NAV1: variants seen among roughly 807,000 people sequenced by gnomAD.
The protein encoded by NAV1 is pore membrane and/or filament interacting like protein 3.
NAV1 carries 18 observed loss-of-function variants against 175.2 expected under a neutral mutation model. That is an observed-to-expected ratio of 0.10 (90% CI 0.07 to 0.15). The LOEUF (loss-of-function observed/expected upper bound fraction) is 0.15. NAV1 is among the 10% of genes least tolerant of loss of function. The probability of loss-of-function intolerance (pLI) is 1.00; values close to 1 mark genes in which losing one functional copy is unlikely to be tolerated. For synonymous variants in NAV1, 897 were observed against 978.7 expected, an observed-to-expected ratio of 0.92 and a Z score of 1.56; for missense variants, 1,731 against 2,436.6, an observed-to-expected ratio of 0.71 and a Z score of 6.10.
rs1671101043 is a variant in NAV1 at position 201,694,456 on chromosome 1, A to G, written c.758-18361A>G. 6.6e-6 allele frequency among the ~76,000 whole-genome samples: 1 copy of G among 152,042 alleles called. No homozygotes were observed. Among genetic ancestry groups the G allele is most frequent in the South Asian group, 2.1e-4 (1 of 4,822 alleles). On this transcript the variant is annotated intron_variant, in intron 1 of 29. Transcript: ENST00000367296. This position sits in a 1 kb window ranked among gnomAD's most constrained non-coding sequence, Gnocchi z 4.2. The stretch of plus-strand genomic sequence containing the variant: ...AAGATAGATGACCCTGGGGAGGGTG[A>G]GGGCCGGGGTCACCAGCTGCTGGGG...
chr1:201,612,849 CTG>C (rs150520987), intron 2 of NAV1, among the ~76,000 whole-genome samples: 8 of 150,918 alleles, frequency 5.3e-5, no homozygotes, highest in Non-Finnish European at 8.9e-5. Flanking sequence ...GTGTGTATGT[CTG>C]TGTGTGTGTG....
exon 7 of NAV1, chr1:201,783,794 G>A (rs1205963434): frequency 6.2e-7 from 1 of 1,613,954 alleles, no homozygotes; most frequent in Non-Finnish European, 8.5e-7. Context: ...TGCTCCCACA[G>A]AAGAAGAGAC....
upstream of NAV1, among the ~76,000 whole-genome samples, chr1:201,646,692 G>T (rs368460698): frequency 3.3e-5 from 5 of 152,262 alleles, no homozygotes; most frequent in East Asian, 1.9e-4. Context: ...CTGGAAGGCA[G>T]AGAGTCCTGA....
chr1:201,631,797 A>G (rs1454595564), intron 2 of NAV1, among the ~76,000 whole-genome samples: 1 of 152,212 alleles, frequency 6.6e-6, no homozygotes, highest in Admixed American at 6.5e-5. Context: ...GTTATTGATC[A>G]TGTTATTTCC....
chr1:201,692,169 C>A (rs1670975996), intron 1 of NAV1, among the ~76,000 whole-genome samples: 1 of 152,150 alleles, frequency 6.6e-6, no homozygotes, highest in Admixed American at 6.5e-5. Flanking sequence ...CATGGACACA[C>A]CAGAGTTGCT....
intron 1 of NAV1, among the ~76,000 whole-genome samples, chr1:201,691,046 A>T (rs1048200909): frequency 1.3e-5 from 2 of 152,194 alleles, no homozygotes; most frequent in South Asian, 2.1e-4. Flanking sequence ...GTTAATGTTA[A>T]CGGTTCAGCA....
chr1:201,568,570 CG>C (rs1666433564), intron 1 of NAV1, among the ~76,000 whole-genome samples: 1 of 152,212 alleles, frequency 6.6e-6, no homozygotes, highest in Middle Eastern at 3.4e-3. Flanking sequence ...CCCAGGCAGA[CG>C]TGAGTTTGAT....
intron 1 of NAV1, among the ~76,000 whole-genome samples, chr1:201,678,878 G>A (rs561459096): frequency 7.9e-4 from 121 of 152,298 alleles, no homozygotes; most frequent in Admixed American, 2.6e-3. Context: ...CAGAGAGCCC[G>A]TGAGGCATCC....
intron 1 of NAV1, among the ~76,000 whole-genome samples, chr1:201,577,807 C>G (rs1428714510): frequency 6.6e-6 from 1 of 152,180 alleles, no homozygotes. Flanking sequence ...CCCCCCAGCA[C>G]TTGAAAAATA....
chr1:201,585,690 G>A (rs1385011975), intron 1 of NAV1, among the ~76,000 whole-genome samples: 1 of 151,932 alleles, frequency 6.6e-6, no homozygotes, highest in Non-Finnish European at 1.5e-5. Flanking sequence ...ATATATAAAT[G>A]GACCACAAGC....
intron 1 of NAV1, among the ~76,000 whole-genome samples, chr1:201,677,430 T>C (rs186069262): frequency 2.0e-5 from 3 of 152,036 alleles, no homozygotes; most frequent in Non-Finnish European, 4.4e-5. Context: ...TGGACTTCTT[T>C]GCCAAGGCCA....
intron 1 of NAV1, among the ~76,000 whole-genome samples, chr1:201,551,996 C>T (rs1444213387): frequency 1.3e-5 from 2 of 152,210 alleles, no homozygotes; most frequent in East Asian, 3.8e-4. Context: ...GTCATCTCCC[C>T]ACTTCCTCTT....
chr1:201,659,497 A>G (rs1281038178), intron 1 of NAV1, among the ~76,000 whole-genome samples: 1 of 152,162 alleles, frequency 6.6e-6, no homozygotes, highest in Non-Finnish European at 1.5e-5. Flanking sequence ...GCTTGTGCCT[A>G]TAGCCCTAGC....
chr1:201,789,141 C>T (rs1006603321), intron 10 of NAV1, among the ~76,000 whole-genome samples: 1 of 152,148 alleles, frequency 6.6e-6, no homozygotes. Flanking sequence ...CTGATCAGAG[C>T]TAGAAGACCA....
intron 3 of NAV1, among the ~76,000 whole-genome samples, chr1:201,746,213 C>T (rs541640724): frequency 6.6e-6 from 1 of 152,072 alleles, no homozygotes; most frequent in Non-Finnish European, 1.5e-5. Flanking sequence ...TTTCTAGGGG[C>T]CAGGGGATTT....
At chr1:201,598,756 A>T (rs1457220817) in intron 2 of NAV1, among the ~76,000 whole-genome samples, 1 of 152,218 alleles carries the variant, frequency 6.6e-6, no homozygotes, top group East Asian at 1.9e-4. Flanking sequence ...GAGGGCAGTC[A>T]TCGTGTTGCC....
At chr1:201,783,498 C>T in exon 7 of NAV1, 1 of 1,614,182 alleles carries the variant, frequency 6.2e-7, no homozygotes, top group Non-Finnish European at 8.5e-7. Context: ...TCCAGTGATA[C>T]CACCCATGCT....
intron 1 of NAV1, among the ~76,000 whole-genome samples, chr1:201,703,491 A>T (rs1671531422): frequency 6.6e-6 from 1 of 152,226 alleles, no homozygotes; most frequent in Non-Finnish European, 1.5e-5. Context: ...AGAAGTCAGG[A>T]TAGCAAACTA....
chr1:201,736,980 C>T (rs971228763), intron 3 of NAV1, among the ~76,000 whole-genome samples: 1 of 151,964 alleles, frequency 6.6e-6, no homozygotes, highest in Admixed American at 6.6e-5. Flanking sequence ...ATTGCCCATC[C>T]CCCACCCTCC....
Sources: allele counts gnomAD v4.1 joint callset (sites outside exome capture counted in the v4.1 genomes callset), GRCh38; gene constraint gnomAD v4.1.1; non-coding constraint Gnocchi (gnomAD v3.1); transcripts MANE v1.5; gene names NCBI Gene and HGNC (gene_info 2026-07-23, HGNC 2026-07-21).